The following EVC variants were observed in gnomAD, a reference collection of about 807,000 sequenced individuals.
The protein encoded by EVC is evC complex member EVC.
Under a neutral mutation model 118.9 loss-of-function variants are expected in EVC, and 116 were observed. That is an observed-to-expected ratio of 0.98 (90% CI 0.84 to 1.14). The LOEUF is 1.14. Ranked by LOEUF, EVC falls within the 50% of genes most tolerant of loss-of-function variation. The pLI is 0.00. For missense variants in EVC, 1,401 were observed against 1,246.4 expected (o/e 1.12, Z -1.87); for synonymous variants, 619 against 534.7 (o/e 1.16, Z -2.18).
At chr4:5,711,667 C>T in intron 1 of EVC, 113 bp downstream of exon 1, 1 of 868,484 alleles carries the variant, frequency 1.2e-6, no homozygotes, top group Non-Finnish European at 1.4e-6. Context: ...TTGGGAACTT[C>T]GCACGCAACC....
intron 13 of EVC, among the ~76,000 whole-genome samples, chr4:5,796,340 G>GGAT (rs1364578348): frequency 1.3e-5 from 2 of 152,004 alleles, no homozygotes; most frequent in Admixed American, 1.3e-4. Flanking sequence ...TATTTTTATT[G>GGAT]GATGATGACC....
intron 15 of EVC, among the ~76,000 whole-genome samples, chr4:5,799,478 C>G (rs907548559): frequency 1.3e-5 from 2 of 152,234 alleles, no homozygotes; most frequent in Non-Finnish European, 2.9e-5. Context: ...ACATTTCCAG[C>G]CTCCAACCTA....
chr4:5,753,848 C>G lies in EVC; in HGVS notation c.1379C>G (p.Ala460Gly), dbSNP rs1309149029. ...CTGGCTCACCAGGTGGAGGGAACGG[C>G]AAAACTCACGCTGGCCCAAGAGGAG... ...ASLAHQVEGT[A>G]KLTLAQEEEQ... Residue 460 changes from alanine to glycine, a missense_variant, in exon 10 of 21, where the codon GCA becomes GGA. Transcript: ENST00000264956. 1.2e-6 allele frequency: 2 copies of G among 1,613,976 alleles called. No homozygotes were observed. The highest frequency in any genetic ancestry group is 1.3e-5 in the African/African-American group (1 of 74,918).
the EVC span, among the ~76,000 whole-genome samples, chr4:5,822,497 G>T: frequency 4.1e-5 from 5 of 120,622 alleles, no homozygotes; most frequent in African/African-American, 7.9e-5. Flanking sequence ...ATCTGAAGGG[G>T]GGGGGGGTGG....
At chr4:5,792,388 A>AAAC (rs977564608) in intron 12 of EVC, among the ~76,000 whole-genome samples, 1 of 152,256 alleles carries the variant, frequency 6.6e-6, no homozygotes, top group African/African-American at 2.4e-5. Flanking sequence ...TTTAGGCAGA[A>AAAC]AACTTTTTTT....
intron 11 of EVC, among the ~76,000 whole-genome samples, chr4:5,771,654 C>G (rs894317955): frequency 9.9e-5 from 15 of 152,220 alleles, no homozygotes; most frequent in African/African-American, 3.1e-4. Context: ...GGGCAGTAAC[C>G]TATTGGAAGC....
rs1712327402 is a variant in EVC at position 5,789,345 on chromosome 4, T to A, written c.1777-4263T>A. ...GTGGTTCCTTGCACTCCTCTGGCTT[T>A]CTGGGCACGTTCCTGCCTTACTCTG... is the stretch of plus-strand genomic sequence containing the variant. On this transcript the variant is annotated intron_variant, in intron 12 of 20. Coordinates refer to ENST00000264956, the MANE Select transcript of EVC (RefSeq NM_153717.3). The surrounding 1 kb of genome is among the most constrained non-coding windows in gnomAD (Gnocchi z 4.3). 6.6e-6 allele frequency among the ~76,000 whole-genome samples: 1 copy of A among 152,200 alleles called. No homozygotes were observed. The highest frequency in any genetic ancestry group is 2.1e-4 in the South Asian group (1 of 4,828).
chr4:5,756,181 A>G lies in EVC; in HGVS notation c.1465-83A>G. The G allele has an allele frequency of 9.6e-7, 1 of 1,038,928 alleles. No homozygotes were observed. The highest frequency in any genetic ancestry group is 1.5e-6 in the Non-Finnish European group (1 of 686,264). 64.4% of individuals were successfully genotyped at this position (1,038,928 alleles called of 1,614,324 possible). Reference sequence around the variant, plus strand: ...CATCCTTCTTTCTAACCTGAGATGCAGGGGATGGTTGGAGAACCTTCTGGA... The same window carrying G: ...CATCCTTCTTTCTAACCTGAGATGCGGGGGATGGTTGGAGAACCTTCTGGA... On this transcript the variant is annotated intron_variant, in intron 10 of 20. Transcript: ENST00000264956. The surrounding 1 kb of genome is among the most constrained non-coding windows in gnomAD (Gnocchi z 4.2).
At chr4:5,721,587 G>A (rs575965732) in intron 2 of EVC, among the ~76,000 whole-genome samples, 2 of 152,292 alleles carry the variant, frequency 1.3e-5, no homozygotes, top group African/African-American at 4.8e-5. Context: ...TTGACGATAG[G>A]CTGGGCATGG....
chr4:5,733,626 TGGG>T (rs1470175621), intron 5 of EVC, among the ~76,000 whole-genome samples, 191 bp downstream of exon 5: 6 of 152,092 alleles, frequency 3.9e-5, no homozygotes, highest in African/African-American at 1.4e-4. Context: ...CGCCTGTTGG[TGGG>T]GCATGGCCTT....
In EVC at chr4:5,752,175, C is replaced by G. The variant is rs80051657; in HGVS notation, c.1099-661C>G. ...GAGTCTGTGCCGAGGGAGATGCCAA[C>G]GTCCGCCGTCCGCTCCTCCTTTCCC... On this transcript the variant is annotated intron_variant, in intron 8 of 20. Transcript: ENST00000264956. Among the ~76,000 whole-genome samples, 1,131 of 152,176 alleles carry G rather than the reference C, an allele frequency of 7.4e-3. 12 individuals are homozygous for G. Among genetic ancestry groups the G allele is most frequent in the African/African-American group, 0.026 (1,063 of 41,514 alleles).
At chr4:5,828,739 T>G in the EVC span, 4 of 1,539,546 alleles carry the variant, frequency 2.6e-6, no homozygotes, top group East Asian at 6.8e-5. Context: ...TAACAGCGAT[T>G]TTGCCTAACA....
intron 11 of EVC, among the ~76,000 whole-genome samples, chr4:5,774,764 A>G (rs898292624): frequency 4.6e-5 from 7 of 152,142 alleles, no homozygotes; most frequent in Non-Finnish European, 1.0e-4. Context: ...GCCAGCTTCT[A>G]TTCCCCACCA....
chr4:5,743,534 C>T lies in EVC; in HGVS notation c.802-1670C>T, dbSNP rs1728921814. Among the ~76,000 whole-genome samples the T allele has an allele frequency of 6.6e-6, 1 of 152,186 alleles. No individual in the cohort carries two copies. The highest frequency in any genetic ancestry group is 1.5e-5 in the Non-Finnish European group (1 of 68,028). The stretch of plus-strand genomic sequence containing the variant: ...ACCATCACCACCTTTATCATCTTTC[C>T]TGCTACCTCTACCTTCACCTTCATT... On this transcript the variant is annotated intron_variant, in intron 6 of 20. Transcript: ENST00000264956. This position sits in a 1 kb window ranked among gnomAD's most constrained non-coding sequence, Gnocchi z 4.7.
chr4:5,739,083 G>A (rs1266725097), intron 5 of EVC, among the ~76,000 whole-genome samples: 5 of 152,120 alleles, frequency 3.3e-5, no homozygotes, highest in African/African-American at 1.2e-4. Context: ...GAGGTGGCCT[G>A]AAATCAACCC....
At chr4:5,761,640 G>C (rs192254363) in intron 11 of EVC, among the ~76,000 whole-genome samples, 3 of 151,834 alleles carry the variant, frequency 2.0e-5, no homozygotes, top group Admixed American at 6.5e-5. Context: ...GGAAGCAGGC[G>C]TCTCATCTTG....
chr4:5,797,323 C>G (rs1714156131), intron 14 of EVC, 91 bp downstream of exon 14: 1 of 1,093,936 alleles, frequency 9.1e-7, no homozygotes, highest in African/African-American at 1.5e-5. Context: ...GAACCCGAAT[C>G]CTATCACCCT....
chr4:5,773,555 G>C (rs1734292960), intron 11 of EVC, among the ~76,000 whole-genome samples: 1 of 152,184 alleles, frequency 6.6e-6, no homozygotes, highest in Admixed American at 6.5e-5. Context: ...ACCTTGAGAA[G>C]TCCCTGCAAA....
At chr4:5,768,209 A>G (rs902160024) in intron 11 of EVC, among the ~76,000 whole-genome samples, 1 of 152,110 alleles carries the variant, frequency 6.6e-6, no homozygotes, top group Admixed American at 6.5e-5. Flanking sequence ...CTGTTCCAAG[A>G]TAGTTGCATT....
Sources: gnomAD v4.1 joint callset for allele counts (sites outside exome capture counted in the v4.1 genomes callset) on GRCh38, gnomAD v4.1.1 for gene constraint, Gnocchi (gnomAD v3.1) non-coding constraint, MANE v1.5 for transcripts, NCBI Gene and HGNC (gene_info 2026-07-23, HGNC 2026-07-21) for gene names.